Variants in WDR19 observed in about 807,000 individuals in gnomAD.
The protein encoded by WDR19 is WD repeat-containing protein 19.
In WDR19, 121 loss-of-function variants were observed where a neutral mutation model predicts 180.0. The ratio of observed to expected loss-of-function variants is 0.67; its 90% CI spans 0.58 to 0.78. WDR19 has a LOEUF of 0.78. Ranked by LOEUF, WDR19 falls within the 30% of genes least tolerant of loss-of-function variation. The pLI, the probability that WDR19 is intolerant of heterozygous loss-of-function variation, is 0.00. For synonymous variants in WDR19, 497 were observed against 540.7 expected (o/e 0.92, Z 1.12); for missense variants, 1,450 against 1,640.7 (o/e 0.88, Z 2.01).
In WDR19 at chr4:39,278,696, C is replaced by T. The variant is rs760250977; in HGVS notation, c.*13+33C>T. On this transcript the variant is annotated intron_variant, in intron 36 of 36. Transcript: ENST00000399820. ...GCAGAGCGCCCACGCACCTTCTGGGCGCAAGGGCCCACAGCGTGCACGCAG... is the reference window on the plus strand; with the variant it reads ...GCAGAGCGCCCACGCACCTTCTGGGTGCAAGGGCCCACAGCGTGCACGCAG... 53 of 1,388,244 alleles carry T rather than the reference C, an allele frequency of 3.8e-5. No individual in the cohort carries two copies. The Middle Eastern group carries it at 4.5e-3, about 119-fold the overall frequency. The allele number at this position is 1,388,244 out of a possible 1,614,324, so 86.0% of individuals were successfully genotyped here. A position where few individuals can be genotyped will look rare whatever the true frequency, so the allele number is the denominator to read the frequency against.
chr4:39,250,140 A>G (rs1341214107), intron 24 of WDR19, among the ~76,000 whole-genome samples: 1 of 151,072 alleles, frequency 6.6e-6, no homozygotes, highest in East Asian at 1.9e-4. Flanking sequence ...CAAAAAGCTT[A>G]TCCCCCATGA....
intron 1 of WDR19, among the ~76,000 whole-genome samples, chr4:39,184,220 A>G (rs1048330006): frequency 6.6e-6 from 1 of 152,050 alleles, no homozygotes; most frequent in African/African-American, 2.4e-5. Flanking sequence ...CAGCCTGGCC[A>G]ACATGGTGAA....
intron 1 of WDR19, 41 bp from the exon 2 acceptor site, chr4:39,185,685 T>C: frequency 6.6e-7 from 1 of 1,524,700 alleles, no homozygotes; most frequent in Non-Finnish European, 8.9e-7. Context: ...AACACTTGAT[T>C]GTATGTTTTG....
chr4:39,269,223 G>A (rs954892945), intron 30 of WDR19, among the ~76,000 whole-genome samples: 9 of 152,230 alleles, frequency 5.9e-5, no homozygotes, highest in African/African-American at 1.9e-4. Context: ...CCAGGCGTGA[G>A]TGGCGCCATT....
At chr4:39,269,273 G>A (rs1281326764) in intron 30 of WDR19, among the ~76,000 whole-genome samples, 1 of 152,172 alleles carries the variant, frequency 6.6e-6, no homozygotes, top group African/African-American at 2.4e-5. Flanking sequence ...AGTTGTTTGG[G>A]TGTGGATCAA....
chr4:39,182,677 AAG>A (rs148579854), intron 1 of WDR19, 114 bp downstream of exon 1: 92,879 of 1,195,618 alleles, frequency 0.078, no homozygotes, highest in South Asian at 0.12. Flanking sequence ...GGAAATGAGG[AAG>A]AGAGAGAGAG....
intron 35 of WDR19, 30 bp from the exon 36 acceptor site, chr4:39,278,509 A>C (rs1736136911): frequency 6.4e-7 from 1 of 1,553,994 alleles, no homozygotes; most frequent in Admixed American, 1.8e-5. Flanking sequence ...TATATATTTA[A>C]TTTACTCTGC....
intron 9 of WDR19, among the ~76,000 whole-genome samples, chr4:39,208,083 A>G (rs1037813548): frequency 6.6e-6 from 1 of 152,140 alleles, no homozygotes; most frequent in African/African-American, 2.4e-5. Flanking sequence ...ATCTAGAGCA[A>G]CCTCTAAGAA....
intron 21 of WDR19, among the ~76,000 whole-genome samples, chr4:39,242,707 G>A (rs995010209): frequency 6.6e-6 from 1 of 151,680 alleles, no homozygotes; most frequent in Non-Finnish European, 1.5e-5. Flanking sequence ...TCACTGTGTC[G>A]CCCAGGCTGG....
chr4:39,259,078 A>T (rs1441296321), intron 28 of WDR19, among the ~76,000 whole-genome samples: 1 of 152,250 alleles, frequency 6.6e-6, no homozygotes, highest in African/African-American at 2.4e-5. Flanking sequence ...CAAAAAAGAA[A>T]AAAAACAGAA....
intron 3 of WDR19, among the ~76,000 whole-genome samples, chr4:39,187,708 A>C (rs1193782953): frequency 6.6e-6 from 1 of 152,230 alleles, no homozygotes; most frequent in Non-Finnish European, 1.5e-5. Flanking sequence ...GAAGGCACTC[A>C]GTAAAAATTG....
At chr4:39,202,564 C>G (rs1004462572) in intron 6 of WDR19, among the ~76,000 whole-genome samples, 2 of 151,966 alleles carry the variant, frequency 1.3e-5, no homozygotes, top group African/African-American at 4.8e-5. Flanking sequence ...TAGTATGTCC[C>G]TTCTGGAGGA....
At chr4:39,213,002 A>G (rs1728707084) in intron 9 of WDR19, among the ~76,000 whole-genome samples, 1 of 152,250 alleles carries the variant, frequency 6.6e-6, no homozygotes, top group African/African-American at 2.4e-5. Flanking sequence ...ATGATTAGCC[A>G]TTAGGGAAGT....
chr4:39,285,049 G>A (rs1414488066), intron 36 of WDR19, among the ~76,000 whole-genome samples: 1 of 106,550 alleles, frequency 9.4e-6, no homozygotes, highest in African/African-American at 5.5e-5. Context: ...AATGTAACAA[G>A]ACCCCATCAT....
chr4:39,208,768 A>G (rs973540290), intron 9 of WDR19, among the ~76,000 whole-genome samples: 5 of 152,202 alleles, frequency 3.3e-5, no homozygotes, highest in Non-Finnish European at 5.9e-5. Flanking sequence ...TTGGCACAGC[A>G]TTTAACCTTG....
chr4:39,210,213 G>A (rs191251806), intron 9 of WDR19, among the ~76,000 whole-genome samples: 28 of 152,178 alleles, frequency 1.8e-4, no homozygotes, highest in Admixed American at 8.5e-4. Context: ...AACAAAGACA[G>A]TGTATTAAAA....
chr4:39,219,076 C>T (rs1172235321), intron 14 of WDR19: 1 of 152,114 alleles, frequency 6.6e-6, no homozygotes, highest in Non-Finnish European at 1.5e-5. Flanking sequence ...CCTGAAGGAC[C>T]TGGTTGAGCC....
chr4:39,263,377 A>G (rs1431395967), intron 28 of WDR19, among the ~76,000 whole-genome samples: 1 of 152,116 alleles, frequency 6.6e-6, no homozygotes, highest in Admixed American at 6.6e-5. Flanking sequence ...GTCTTTCTGG[A>G]CATTTTTCCC....
intron 31 of WDR19, among the ~76,000 whole-genome samples, chr4:39,270,774 G>T (rs982709348): frequency 1.3e-5 from 2 of 151,812 alleles, no homozygotes; most frequent in Admixed American, 1.3e-4. Flanking sequence ...AAACTTGTTA[G>T]TTTATTTATT....
Sources: gnomAD v4.1 joint callset for allele counts (sites outside exome capture counted in the v4.1 genomes callset) on GRCh38, gnomAD v4.1.1 for gene constraint, MANE v1.5 for transcripts, NCBI Gene and HGNC (gene_info 2026-07-23, HGNC 2026-07-21) for gene names.